Variants in PSMD14 observed in about 807,000 individuals in gnomAD.
The protein encoded by PSMD14 is ubiquitin C-terminal hydrolase PSMD14.
Under a neutral mutation model 41.2 loss-of-function variants are expected in PSMD14, and 7 were observed. The ratio of observed to expected loss-of-function variants is 0.17; its 90% CI spans 0.10 to 0.32. The LOEUF is 0.32. Ranked by LOEUF, PSMD14 falls within the 10% of genes least tolerant of loss-of-function variation. PSMD14 has a pLI of 1.00. For missense variants in PSMD14, 139 were observed against 375.6 expected (o/e 0.37, Z 5.21); for synonymous variants, 114 against 122.3 (o/e 0.93, Z 0.45).
rs1273856364 is a variant in PSMD14 at position 161,385,443 on chromosome 2, C to A, written c.463-21C>A. ...CACTTGCTTTTTAAAAAAAAATTGA[C>A]TTGACACCTTGTTTTTACAGGTTGT... On this transcript the variant is annotated intron_variant, in intron 7 of 11. Transcript: ENST00000409682. 6 of 1,511,488 alleles carry A rather than the reference C, an allele frequency of 4.0e-6. No individual in the cohort carries two copies. The South Asian group carries it at 6.0e-5, about 15-fold the overall frequency. The allele number at this position is 1,511,488 out of a possible 1,614,324, so 93.6% of individuals were successfully genotyped here. A position where few individuals can be genotyped will look rare whatever the true frequency, so the allele number is the denominator to read the frequency against.
intron 8 of PSMD14, among the ~76,000 whole-genome samples, chr2:161,387,898 A>G (rs1683654979): frequency 1.3e-5 from 2 of 152,072 alleles, no homozygotes; most frequent in Non-Finnish European, 2.9e-5. Context: ...AATAGAAGCC[A>G]CTAATAATCC....
At chr2:161,376,110 T>C (rs927177906) in intron 7 of PSMD14, among the ~76,000 whole-genome samples, 1 of 149,334 alleles carries the variant, frequency 6.7e-6, no homozygotes, top group Non-Finnish European at 1.5e-5. Flanking sequence ...TATATACATA[T>C]ATATATATAT....
chr2:161,401,855 T>G (rs937136602), intron 10 of PSMD14, among the ~76,000 whole-genome samples: 2 of 152,174 alleles, frequency 1.3e-5, no homozygotes, highest in Admixed American at 6.5e-5. Flanking sequence ...TTCTTTGAGG[T>G]CTTTGGAGAT....
chr2:161,355,159 A>C (rs969613181), intron 3 of PSMD14, among the ~76,000 whole-genome samples: 1 of 152,216 alleles, frequency 6.6e-6, no homozygotes, highest in Non-Finnish European at 1.5e-5. Context: ...TTGCTAATCA[A>C]ATTTTTAATA....
chr2:161,330,324 A>G (rs1276612167), intron 3 of PSMD14, among the ~76,000 whole-genome samples: 1 of 152,224 alleles, frequency 6.6e-6, no homozygotes, highest in African/African-American at 2.4e-5. Context: ...ACAGAAGAAG[A>G]TATCTCTGTC....
At chr2:161,336,761 A>G (rs1336304501) in intron 3 of PSMD14, among the ~76,000 whole-genome samples, 1 of 152,154 alleles carries the variant, frequency 6.6e-6, no homozygotes, top group Non-Finnish European at 1.5e-5. Flanking sequence ...TTTTTAATAG[A>G]GATGGAGTTT....
chr2:161,407,799 G>A (rs921758683), intron 10 of PSMD14: 1 of 151,908 alleles, frequency 6.6e-6, no homozygotes, highest in East Asian at 1.9e-4. Context: ...TAAATGCTGT[G>A]TTGGCATTTC....
intron 3 of PSMD14, among the ~76,000 whole-genome samples, chr2:161,330,291 G>T (rs996803423): frequency 6.6e-6 from 1 of 152,122 alleles, no homozygotes; most frequent in Admixed American, 6.5e-5. Flanking sequence ...ACCATTTTTG[G>T]TAGAAAGTAT....
chr2:161,313,133 A>C (rs1019864021), intron 1 of PSMD14, among the ~76,000 whole-genome samples: 2 of 152,158 alleles, frequency 1.3e-5, no homozygotes, highest in African/African-American at 4.8e-5. Context: ...ACTCAAGGAC[A>C]GGGAACTTGT....
intron 3 of PSMD14, among the ~76,000 whole-genome samples, chr2:161,352,209 T>G (rs574677755): frequency 1.3e-5 from 2 of 152,294 alleles, no homozygotes; most frequent in East Asian, 3.9e-4. Context: ...ATTTTCAACC[T>G]TGGCTGTACT....
intron 2 of PSMD14, among the ~76,000 whole-genome samples, chr2:161,317,137 G>T (rs1024118623): frequency 6.6e-6 from 1 of 151,702 alleles, no homozygotes; most frequent in Non-Finnish European, 1.5e-5. Context: ...GATTCCCCCC[G>T]CCCCGTTTTT....
intron 1 of PSMD14, among the ~76,000 whole-genome samples, chr2:161,310,782 G>A (rs1214215444): frequency 1.3e-5 from 2 of 152,104 alleles, no homozygotes; most frequent in Non-Finnish European, 2.9e-5. Context: ...AGGTGGTGAC[G>A]CCGGATTCAA....
chr2:161,327,335 A>G lies in PSMD14; in HGVS notation c.48+8462A>G, dbSNP rs1000721900. On this transcript the variant is annotated intron_variant, in intron 3 of 11. Coordinates refer to ENST00000409682, the MANE Select transcript of PSMD14 (RefSeq NM_005805.6). ...TTGTGCGACAGTGTTAATGTGCCTA[A>G]TGCCACTGAATTGTTACTTAAAAAC... is the stretch of plus-strand genomic sequence containing the variant. Among the ~76,000 whole-genome samples the G allele has an allele frequency of 2.0e-5, 3 of 152,174 alleles. No individual in the cohort carries two copies. In the East Asian group the frequency reaches 5.8e-4, roughly 29 times the overall value.
chr2:161,385,673 G>T, intron 8 of PSMD14, 102 bp downstream of exon 8: 1 of 587,412 alleles, frequency 1.7e-6, no homozygotes, highest in Non-Finnish European at 2.8e-6. Flanking sequence ...TAATTTGCTT[G>T]CAAATTAATT....
intron 3 of PSMD14, among the ~76,000 whole-genome samples, chr2:161,319,295 T>C (rs1353429015): frequency 6.6e-6 from 1 of 152,108 alleles, no homozygotes; most frequent in Non-Finnish European, 1.5e-5. Flanking sequence ...TTAACACTGG[T>C]AAATTTCTGC....
chr2:161,340,991 C>T, intron 3 of PSMD14: 2 of 1,611,930 alleles, frequency 1.2e-6, no homozygotes, highest in Non-Finnish European at 1.7e-6. Context: ...CTTCCTGCCT[C>T]GCCTCCACCG....
intron 7 of PSMD14, among the ~76,000 whole-genome samples, chr2:161,373,025 T>C (rs1172166641): frequency 6.6e-6 from 1 of 151,844 alleles, no homozygotes; most frequent in African/African-American, 2.4e-5. Flanking sequence ...TAAATGTAAA[T>C]GTAAATAAAT....
At chr2:161,390,564 T>C (rs1333868009) in intron 8 of PSMD14, among the ~76,000 whole-genome samples, 3 of 152,178 alleles carry the variant, frequency 2.0e-5, no homozygotes, top group Non-Finnish European at 4.4e-5. Context: ...TGAGATTGCA[T>C]GTCACTGGAT....
At chr2:161,358,433 A>G (rs1017042401) in intron 3 of PSMD14, among the ~76,000 whole-genome samples, 1 of 152,146 alleles carries the variant, frequency 6.6e-6, no homozygotes, top group Non-Finnish European at 1.5e-5. Context: ...AATATGAGAC[A>G]TAAGGGTAGG....
Sources: gnomAD v4.1 joint callset for allele counts (sites outside exome capture counted in the v4.1 genomes callset) on GRCh38, gnomAD v4.1.1 for gene constraint, MANE v1.5 for transcripts, NCBI Gene and HGNC (gene_info 2026-07-23, HGNC 2026-07-21) for gene names.